The following TTBK2 variants were observed in gnomAD, a reference collection of about 807,000 sequenced individuals.
TTBK2 encodes tau tubulin kinase 2, also known as tau-tubulin kinase 2.
In TTBK2, 28 loss-of-function variants were observed where a neutral mutation model predicts 110.8. The ratio of observed to expected loss-of-function variants is 0.25; its 90% confidence interval spans 0.19 to 0.35. TTBK2 has a LOEUF of 0.35. Ranked by LOEUF, TTBK2 falls within the 10% of genes least tolerant of loss-of-function variation. TTBK2 has a pLI of 1.00. For missense variants in TTBK2, 1,369 were observed against 1,500.3 expected, an observed-to-expected ratio of 0.91 and a Z score of 1.45; for synonymous variants, 532 against 527.3, an observed-to-expected ratio of 1.01 and a Z score of -0.12.
At position 42,740,078 on chromosome 15, in the gene TTBK2, A is replaced by G. The variant is rs1440492150; in HGVS notation, c.*5717T>C. 6.6e-6 allele frequency: 1 copy of G among 152,230 alleles called. No individual in the cohort carries two copies. Among genetic ancestry groups the G allele is most frequent in the African/African-American group, 2.4e-5 (1 of 41,454 alleles). 9.4% of individuals were successfully genotyped at this position (152,230 alleles called of 1,614,324 possible). ...TAAAATTATATCATCAGCAAATTCT[A>G]TAGTCACATGGGCTCAAAGATCTGC... On this transcript the variant is annotated 3_prime_UTR_variant, in exon 15 of 15. Transcript: ENST00000267890.
intron 7 of TTBK2, among the ~76,000 whole-genome samples, chr15:42,816,085 A>AAATATAT (rs1892001640): frequency 1.5e-5 from 1 of 67,470 alleles, no homozygotes; most frequent in African/African-American, 7.6e-5. Context: ...TAAATAAATA[A>AAATATAT]ATATATATAT....
At chr15:42,794,859 T>C in intron 9 of TTBK2, 58 bp from the exon 10 acceptor site, 2 of 1,601,290 alleles carry the variant, frequency 1.2e-6, no homozygotes, top group Non-Finnish European at 1.7e-6. Context: ...CACTTTATTC[T>C]ATAAGAGAAA....
intron 3 of TTBK2, among the ~76,000 whole-genome samples, chr15:42,844,888 G>A (rs1020573026): frequency 1.3e-5 from 2 of 152,192 alleles, no homozygotes; most frequent in East Asian, 1.9e-4. Context: ...GAAACAGGAC[G>A]ACCTACTATA....
At chr15:42,852,548 CATATATAA>C (rs1893762782) in intron 3 of TTBK2, among the ~76,000 whole-genome samples, 1 of 152,176 alleles carries the variant, frequency 6.6e-6, no homozygotes, top group Non-Finnish European at 1.5e-5. Flanking sequence ...GCATATGGAG[CATATATAA>C]ATATGTACGT....
intron 1 of TTBK2, among the ~76,000 whole-genome samples, chr15:42,885,802 T>G (rs1047380862): frequency 5.9e-5 from 9 of 152,236 alleles, no homozygotes; most frequent in African/African-American, 1.9e-4. Context: ...CCATTCCTCC[T>G]TCTTCTCCCT....
intron 1 of TTBK2, among the ~76,000 whole-genome samples, chr15:42,883,937 A>G (rs1283342839): frequency 6.6e-6 from 1 of 152,206 alleles, no homozygotes; most frequent in Non-Finnish European, 1.5e-5. Flanking sequence ...AAAAAAGTAT[A>G]CCATGCAAAT....
chr15:42,914,046 G>A (rs901233789), intron 1 of TTBK2, among the ~76,000 whole-genome samples: 3 of 150,392 alleles, frequency 2.0e-5, no homozygotes, highest in Admixed American at 1.3e-4. Flanking sequence ...GTGCTGTCTC[G>A]ACTCACTGCA....
intron 1 of TTBK2, among the ~76,000 whole-genome samples, chr15:42,885,904 C>G (rs978376183): frequency 6.6e-6 from 1 of 152,148 alleles, no homozygotes; most frequent in Non-Finnish European, 1.5e-5. Flanking sequence ...CCGCTTGGCC[C>G]CAATACAAAC....
intron 11 of TTBK2, among the ~76,000 whole-genome samples, chr15:42,782,455 C>T (rs1890219170): frequency 6.6e-6 from 1 of 152,194 alleles, no homozygotes; most frequent in African/African-American, 2.4e-5. Flanking sequence ...CATCTGCATG[C>T]ATTTTAATTT....
At chr15:42,763,157 CATATATATAT>C (rs1567008803) in intron 13 of TTBK2, among the ~76,000 whole-genome samples, 237 of 20,472 alleles carry the variant, frequency 0.012, 5 homozygotes, top group East Asian at 0.037. Flanking sequence ...TATATATATA[CATATATATAT>C]ATATATATAT....
At chr15:42,872,492 C>A in intron 3 of TTBK2, 119 bp downstream of exon 3, 2 of 1,196,264 alleles carry the variant, frequency 1.7e-6, no homozygotes, top group South Asian at 2.7e-5. Context: ...GTATTTATAC[C>A]CGGCTGACAC....
intron 3 of TTBK2, among the ~76,000 whole-genome samples, chr15:42,871,930 G>T (rs1257753962): frequency 6.6e-6 from 1 of 152,052 alleles, no homozygotes; most frequent in Non-Finnish European, 1.5e-5. Context: ...TTTTGTTTCA[G>T]ATCAAACATT....
chr15:42,919,801 G>A (rs2031271154), intron 1 of TTBK2: 1 of 985,246 alleles, frequency 1.0e-6, no homozygotes, highest in African/African-American at 1.7e-5. Context: ...CTTCGCTGTA[G>A]AATAAAGTAT....
intron 3 of TTBK2, among the ~76,000 whole-genome samples, chr15:42,852,335 C>T (rs1389946158): frequency 1.3e-5 from 2 of 152,182 alleles, no homozygotes; most frequent in East Asian, 3.8e-4. Flanking sequence ...TCCCAAAGTG[C>T]TGGGATTACA....
rs2061762911 is a variant in TTBK2, at chr15:42,743,670, A to G, written c.*2125T>C. On this transcript the variant is annotated 3_prime_UTR_variant, in exon 15 of 15. Transcript: ENST00000267890. ...ACTATAAGGAGAGAACTATGTGATT[A>G]ACATGACAAATCTCTGAACCAGTAT... 1 of 152,242 alleles carries G rather than the reference A, an allele frequency of 6.6e-6. No homozygotes were observed. Among genetic ancestry groups the G allele is most frequent in the Non-Finnish European group, 1.5e-5 (1 of 68,034 alleles). 9.4% of individuals were successfully genotyped at this position (152,242 alleles called of 1,614,324 possible).
At chr15:42,857,788 T>C (rs919606395) in intron 3 of TTBK2, among the ~76,000 whole-genome samples, 1 of 152,052 alleles carries the variant, frequency 6.6e-6, no homozygotes, top group Admixed American at 6.6e-5. Flanking sequence ...CTCTAGTAAG[T>C]ACAAGTTAAT....
chr15:42,858,220 CAG>C (rs923793674), intron 3 of TTBK2, among the ~76,000 whole-genome samples: 12 of 152,186 alleles, frequency 7.9e-5, no homozygotes, highest in African/African-American at 2.7e-4. Context: ...CCCATCTCCA[CAG>C]ATTCTCTGAC....
chr15:42,765,816 T>A (rs1462838486), intron 13 of TTBK2, among the ~76,000 whole-genome samples: 1 of 151,918 alleles, frequency 6.6e-6, no homozygotes, highest in Middle Eastern at 3.2e-3. Context: ...CACAAAATTG[T>A]CAGATTCACC....
chr15:42,839,650 G>A (rs1221352481), intron 4 of TTBK2, among the ~76,000 whole-genome samples: 2 of 152,162 alleles, frequency 1.3e-5, no homozygotes, highest in African/African-American at 4.8e-5. Context: ...TCTGACTGGT[G>A]TGAGCTGGTG....
Sources: gnomAD v4.1 joint callset for allele counts (sites outside exome capture counted in the v4.1 genomes callset) on GRCh38, gnomAD v4.1.1 for gene constraint, MANE v1.5 for transcripts, NCBI Gene and HGNC (gene_info 2026-07-23, HGNC 2026-07-21) for gene names.